TRAPPC6B: variants seen among roughly 807,000 people sequenced by gnomAD.
The protein encoded by TRAPPC6B is TRAPP complex subunit 6B.
Under a neutral mutation model 24.7 loss-of-function variants are expected in TRAPPC6B, and 27 were observed. That is an observed-to-expected ratio of 1.09 (90% confidence interval 0.81 to 1.51). The LOEUF is 1.51. Among genes scored for constraint, TRAPPC6B ranks in the 40% most tolerant of loss-of-function variants. The pLI is 0.00. For synonymous variants in TRAPPC6B, 80 were observed against 66.6 expected, an observed-to-expected ratio of 1.20 and a Z score of -0.98; for missense variants, 212 against 190.8, an observed-to-expected ratio of 1.11 and a Z score of -0.66.
Position 39,170,287 on chromosome 14 carries a change from G to C in TRAPPC6B, c.-192C>G. 1.7e-6 allele frequency: 1 copy of C among 581,114 alleles called. No individual in the cohort carries two copies. The highest frequency in any genetic ancestry group is 3.0e-6 in the Non-Finnish European group (1 of 331,064). 36.0% of individuals were successfully genotyped at this position (581,114 alleles called of 1,614,324 possible). ...ACTGAAATGAGTCTGGTACTGGAGAGAGCCCACACTTCGGGGCTACCAAAT... is the reference window on the plus strand; with the variant it reads ...ACTGAAATGAGTCTGGTACTGGAGACAGCCCACACTTCGGGGCTACCAAAT... On this transcript the variant is annotated 5_prime_UTR_variant, in exon 1 of 6. Transcript: ENST00000330149.
chr14:39,166,167 T>TG (rs1322437773), intron 1 of TRAPPC6B, among the ~76,000 whole-genome samples: 1 of 151,566 alleles, frequency 6.6e-6, no homozygotes, highest in Non-Finnish European at 1.5e-5. Context: ...CTCCAACTCC[T>TG]GGGCTCAAGT....
At chr14:39,162,340 A>G (rs528070320) in intron 1 of TRAPPC6B, among the ~76,000 whole-genome samples, 31 of 151,058 alleles carry the variant, frequency 2.1e-4, no homozygotes, top group Middle Eastern at 3.4e-3. Flanking sequence ...TTTTTTTTTA[A>G]GAGATGGGAT....
intron 1 of TRAPPC6B, among the ~76,000 whole-genome samples, chr14:39,164,767 G>C (rs184855991): frequency 2.1e-4 from 32 of 152,264 alleles, no homozygotes; most frequent in African/African-American, 7.5e-4. Flanking sequence ...AGTGCAGGAG[G>C]CAGAGGTTTC....
At chr14:39,153,554 CG>C (rs939088902) in intron 4 of TRAPPC6B, among the ~76,000 whole-genome samples, 1 of 150,302 alleles carries the variant, frequency 6.7e-6, no homozygotes, top group African/African-American at 2.4e-5. Context: ...CACTTGAGCC[CG>C]GGGGGGTCAA....
chr14:39,168,126 G>T (rs572459306), intron 1 of TRAPPC6B, among the ~76,000 whole-genome samples: 22 of 151,514 alleles, frequency 1.5e-4, no homozygotes, highest in Non-Finnish European at 2.6e-4. Flanking sequence ...TGAAGCAGGA[G>T]AATCGCTTGA....
chr14:39,166,265 A>AAC lies in TRAPPC6B; in HGVS notation c.81+3749_81+3750insGT, dbSNP rs1555337111. Among the ~76,000 whole-genome samples, 75 of 125,910 alleles carry AAC rather than the reference A, an allele frequency of 6.0e-4. No homozygotes were observed. The South Asian group carries it at 0.015, about 26-fold the overall frequency. 82.6% of individuals were successfully genotyped at this position (125,910 alleles called of 152,430 possible). A position where few individuals can be genotyped will look rare whatever the true frequency, so the allele number is the denominator to read the frequency against. On this transcript the variant is annotated intron_variant, in intron 1 of 5. Coordinates refer to ENST00000330149, the MANE Select transcript of TRAPPC6B (RefSeq NM_001079537.2). The stretch of plus-strand genomic sequence containing the variant: ...CAGAGACTTGTCTCTTAAAAAAAAA[A>AAC]AAAACAAAAAAACAAGTTCAGCTAG...
chr14:39,169,499 TTTAAA>T (rs2053142913), intron 1 of TRAPPC6B, among the ~76,000 whole-genome samples: 1 of 152,220 alleles, frequency 6.6e-6, no homozygotes, highest in African/African-American at 2.4e-5. Flanking sequence ...AAATAATTAA[TTTAAA>T]TTATGTTCCC....
At chr14:39,160,758 A>G (rs1043732908) in intron 1 of TRAPPC6B, among the ~76,000 whole-genome samples, 17 of 152,336 alleles carry the variant, frequency 1.1e-4, no homozygotes, top group Middle Eastern at 3.4e-3. Flanking sequence ...GAGACCAACC[A>G]CAACACAATG....
At chr14:39,150,633 G>T (rs958242058) in intron 5 of TRAPPC6B, among the ~76,000 whole-genome samples, 4 of 152,068 alleles carry the variant, frequency 2.6e-5, no homozygotes, top group Admixed American at 2.0e-4. Flanking sequence ...CCACCTCCTG[G>T]GTTCAAGTGA....
chr14:39,164,818 CAG>C (rs1399992719), intron 1 of TRAPPC6B, among the ~76,000 whole-genome samples: 1 of 152,168 alleles, frequency 6.6e-6, no homozygotes, highest in Non-Finnish European at 1.5e-5. Flanking sequence ...GACCGGGCAA[CAG>C]AGTGAGATCC....
At chr14:39,163,163 A>C (rs1353371431) in intron 1 of TRAPPC6B, among the ~76,000 whole-genome samples, 2 of 150,462 alleles carry the variant, frequency 1.3e-5, no homozygotes, top group African/African-American at 5.0e-5. Context: ...CGAAGTCAGG[A>C]GATCGAGATC....
intron 1 of TRAPPC6B, among the ~76,000 whole-genome samples, chr14:39,169,082 G>A (rs545794354): frequency 6.6e-6 from 1 of 152,090 alleles, no homozygotes; most frequent in South Asian, 2.1e-4. Context: ...TCTTTGCCTA[G>A]GATACATTTC....
intron 3 of TRAPPC6B, chr14:39,157,469 G>C: frequency 5.6e-6 from 2 of 360,182 alleles, no homozygotes; most frequent in Non-Finnish European, 1.1e-5. Flanking sequence ...CTTGTCCTCC[G>C]AGCAGGAGTT....
intron 1 of TRAPPC6B, among the ~76,000 whole-genome samples, chr14:39,161,137 CTTTG>C (rs147800055): frequency 0.03 from 4,556 of 152,186 alleles, 226 homozygotes; most frequent in African/African-American, 0.1. Context: ...GTTTTTATTT[CTTTG>C]TTTGTTTAAG....
In TRAPPC6B at chr14:39,150,262, C is replaced by T; in HGVS notation, c.*88G>A. 8.9e-7 allele frequency: 1 copy of T among 1,126,012 alleles called. No individual in the cohort carries two copies. The highest frequency in any genetic ancestry group is 1.3e-6 in the Non-Finnish European group (1 of 780,240). The allele number at this position is 1,126,012 out of a possible 1,614,324, so 69.8% of individuals were successfully genotyped here. On this transcript the variant is annotated 3_prime_UTR_variant, in exon 6 of 6. Coordinates refer to ENST00000330149, the MANE Select transcript of TRAPPC6B (RefSeq NM_001079537.2). ...TGCTTACTCCTGTACAAACATCGAA[C>T]AATGTAATTAAATCATCACTACTTG...
chr14:39,170,019 T>A lies in TRAPPC6B; in HGVS notation c.77A>T (p.Glu26Val). The part of the protein sequence containing the change: ...SGVYKSAEQG[E>V]VENGRCITKL... ...AGGTTGTGTGGCAGCACTCACCACC[T>A]CCCCCTGCTCCGCGGACTTGTACAC... Residue 26 changes from glutamate to valine, a missense_variant, in exon 1 of 6, where the codon GAG becomes GTG. Coordinates refer to ENST00000330149, the MANE Select transcript of TRAPPC6B (RefSeq NM_001079537.2). The A allele has an allele frequency of 6.2e-7, 1 of 1,613,590 alleles. No homozygotes were observed. The highest frequency in any genetic ancestry group is 8.5e-7 in the Non-Finnish European group (1 of 1,179,726).
At chr14:39,160,875 G>C (rs1429066713) in intron 1 of TRAPPC6B, among the ~76,000 whole-genome samples, 1 of 152,128 alleles carries the variant, frequency 6.6e-6, no homozygotes, top group Non-Finnish European at 1.5e-5. Flanking sequence ...GTTAGCATCT[G>C]CATTATCATC....
intron 1 of TRAPPC6B, among the ~76,000 whole-genome samples, chr14:39,168,030 A>G (rs893751124): frequency 6.6e-6 from 1 of 152,176 alleles, no homozygotes; most frequent in African/African-American, 2.4e-5. Context: ...CCTGGTCAAC[A>G]GGGTGAAACT....
chr14:39,163,639 T>C (rs2053080653), intron 1 of TRAPPC6B, among the ~76,000 whole-genome samples: 1 of 150,900 alleles, frequency 6.6e-6, no homozygotes, highest in African/African-American at 2.5e-5. Context: ...TCTGCTAAAA[T>C]AAAGCTCCAA....
Sources: gnomAD v4.1 joint callset for allele counts (sites outside exome capture counted in the v4.1 genomes callset) on GRCh38, gnomAD v4.1.1 for gene constraint, MANE v1.5 for transcripts, NCBI Gene and HGNC (gene_info 2026-07-23, HGNC 2026-07-21) for gene names.